GLRA1: variants seen among roughly 807,000 people sequenced by gnomAD.
GLRA1 encodes glycine receptor subunit alpha-1.
GLRA1 carries 37 observed loss-of-function variants against 48.3 expected under a neutral mutation model. The ratio of observed to expected loss-of-function variants is 0.77; its 90% CI spans 0.59 to 1.01. GLRA1 has a LOEUF of 1.01. GLRA1 is among the 50% of genes least tolerant of loss of function. The pLI is 0.00. For missense variants in GLRA1, 427 were observed against 571.0 expected, an observed-to-expected ratio of 0.75 and a Z score of 2.57; for synonymous variants, 196 against 210.7, an observed-to-expected ratio of 0.93 and a Z score of 0.60.
chr5:151,914,874 C>T (rs79989000), intron 1 of GLRA1, among the ~76,000 whole-genome samples: 2,071 of 152,296 alleles, frequency 0.014, 29 homozygotes, highest in Non-Finnish European at 0.021. Flanking sequence ...AAGAGATTAG[C>T]TCTTGATTTT....
rs200130685 is a variant in GLRA1, at chr5:151,822,698, C to T, written c.1325G>A (p.Arg442His). ...MFYWIIYKIV[R>H]REDVHNQ is the part of the protein sequence containing the mutation. ...TCACTGGTTGTGGACGTCCTCTCTACGGACAATCTTGTAGATGATCCAGTA... is the reference window on the plus strand; with the variant it reads ...TCACTGGTTGTGGACGTCCTCTCTATGGACAATCTTGTAGATGATCCAGTA... The change falls in exon 9 of 9, where the codon CGT (arginine) becomes CAT (histidine). Residue 442 changes from arginine to histidine, a missense_variant. Coordinates refer to ENST00000274576, the MANE Select transcript of GLRA1 (RefSeq NM_000171.4). 6.7e-5 allele frequency: 108 copies of T among 1,613,224 alleles called. No individual in the cohort carries two copies. The highest frequency in any genetic ancestry group is 5.0e-4 in the Middle Eastern group (3 of 6,056).
chr5:151,869,278 A>G (rs903965072), intron 3 of GLRA1, among the ~76,000 whole-genome samples: 3 of 151,628 alleles, frequency 2.0e-5, no homozygotes, highest in African/African-American at 4.8e-5. Context: ...TAATTTTTGT[A>G]TTGTTAGTAG....
intron 7 of GLRA1, among the ~76,000 whole-genome samples, chr5:151,833,561 T>A (rs904839444): frequency 6.6e-6 from 1 of 152,134 alleles, no homozygotes; most frequent in African/African-American, 2.4e-5. Context: ...CCTCCTGGGT[T>A]CAAGCGATTC....
At chr5:151,858,116 G>A (rs1753096504) in intron 4 of GLRA1, among the ~76,000 whole-genome samples, 1 of 152,142 alleles carries the variant, frequency 6.6e-6, no homozygotes, top group East Asian at 1.9e-4. Context: ...ACCTGAACTG[G>A]CACTTTGGCT....
intron 7 of GLRA1, chr5:151,850,251 A>G (rs1752866082): frequency 6.2e-7 from 1 of 1,604,508 alleles, no homozygotes; most frequent in Admixed American, 1.7e-5. Flanking sequence ...GATGGTGGGT[A>G]CTAATGCTGA....
chr5:151,850,216 A>C (rs1307298048), intron 7 of GLRA1: 5 of 1,603,900 alleles, frequency 3.1e-6, no homozygotes, highest in Non-Finnish European at 2.6e-6. Flanking sequence ...GCCCATTACC[A>C]GGCCTGCTTG....
intron 7 of GLRA1, among the ~76,000 whole-genome samples, chr5:151,833,818 A>AAAAAG (rs1483567419): frequency 1.1e-4 from 16 of 145,900 alleles, no homozygotes; most frequent in South Asian, 4.7e-4. Flanking sequence ...AAAAAAAAGC[A>AAAAAG]GGGGTTGCAA....
chr5:151,914,421 G>A (rs1020688981), intron 1 of GLRA1, among the ~76,000 whole-genome samples: 4 of 152,152 alleles, frequency 2.6e-5, no homozygotes, highest in Non-Finnish European at 4.4e-5. Context: ...TGGGGCATGC[G>A]GTGAGACCTT....
rs1561545932 is a variant in GLRA1, at chr5:151,828,945, G to A, written c.1035C>T (p.Phe345=). The change falls in exon 8 of 9, where the codon TTC becomes TTT. Residue 345 remains phenylalanine, a synonymous_variant. Transcript: ENST00000274576. The part of the protein sequence containing the change: ...VSRQHKELLR[F]RRKRRHHKED... Reference sequence around the variant, plus strand: ...CCTTGTGATGTCTCCGCTTCCTCCTGAATCGGAGCAGCTCCTTATGTTGCC... The same window carrying A: ...CCTTGTGATGTCTCCGCTTCCTCCTAAATCGGAGCAGCTCCTTATGTTGCC... 6.2e-7 allele frequency: 1 copy of A among 1,613,990 alleles called. No individual in the cohort carries two copies. Among genetic ancestry groups the A allele is most frequent in the Admixed American group, 1.7e-5 (1 of 60,022 alleles).
intron 7 of GLRA1, among the ~76,000 whole-genome samples, chr5:151,839,421 T>G (rs80110557): frequency 2.5e-3 from 378 of 152,350 alleles, no homozygotes; most frequent in South Asian, 0.012. Context: ...AGTAAATCAA[T>G]GATTGTAAAC....
chr5:151,917,011 C>G (rs1333505346), intron 1 of GLRA1, among the ~76,000 whole-genome samples: 1 of 152,118 alleles, frequency 6.6e-6, no homozygotes, highest in Non-Finnish European at 1.5e-5. Flanking sequence ...TGTATGGACT[C>G]TAGAGACGAT....
rs17112360 is a variant in GLRA1 at position 151,903,313 on chromosome 5, T to C, written c.57-10875A>G. ...TTTGGATTAAAACCTGAAGCTGCCTTTAATAAATGGAGTGACTGGTCTTCA... is the reference window on the plus strand; with the variant it reads ...TTTGGATTAAAACCTGAAGCTGCCTCTAATAAATGGAGTGACTGGTCTTCA... On this transcript the variant is annotated intron_variant, in intron 1 of 8. Transcript: ENST00000274576. Among the ~76,000 whole-genome samples, 1,498 of 152,258 alleles carry C rather than the reference T, an allele frequency of 9.8e-3. 25 individuals are homozygous for C. Among genetic ancestry groups the C allele is most frequent in the African/African-American group, 0.034 (1,418 of 41,536 alleles).
intron 3 of GLRA1, among the ~76,000 whole-genome samples, chr5:151,884,282 A>G (rs1023246642): frequency 6.6e-6 from 1 of 152,140 alleles, no homozygotes; most frequent in Non-Finnish European, 1.5e-5. Context: ...TACAAAAATT[A>G]GCTGGGCCTG....
intron 7 of GLRA1, among the ~76,000 whole-genome samples, chr5:151,840,745 C>T (rs1381615708): frequency 6.8e-6 from 1 of 148,146 alleles, no homozygotes; most frequent in Non-Finnish European, 1.5e-5. Context: ...AAAAAAAACC[C>T]ACAAACAAAC....
At chr5:151,840,535 G>A (rs1333168170) in intron 7 of GLRA1, among the ~76,000 whole-genome samples, 1 of 151,892 alleles carries the variant, frequency 6.6e-6, no homozygotes, top group African/African-American at 2.4e-5. Context: ...TAAATTAAGT[G>A]GAAATAGACT....
At chr5:151,859,052 G>A (rs907365328) in intron 4 of GLRA1, among the ~76,000 whole-genome samples, 1 of 152,170 alleles carries the variant, frequency 6.6e-6, no homozygotes, top group South Asian at 2.1e-4. Flanking sequence ...AATGGGCCTG[G>A]TAAAACCTGC....
In GLRA1 at chr5:151,898,415, A is replaced by T. The variant is rs184168070; in HGVS notation, c.57-5977T>A. ...TTCTCCAGTTGCAACATCAATTGAAATAGGGAATCAATATAAAGCTGTCAA... is the reference window on the plus strand; with the variant it reads ...TTCTCCAGTTGCAACATCAATTGAATTAGGGAATCAATATAAAGCTGTCAA... On this transcript the variant is annotated intron_variant, in intron 1 of 8. Coordinates refer to ENST00000274576, the MANE Select transcript of GLRA1 (RefSeq NM_000171.4). 1.6e-4 allele frequency among the ~76,000 whole-genome samples: 25 copies of T among 152,294 alleles called. No homozygotes were observed. The East Asian group carries it at 4.6e-3, about 28-fold the overall frequency.
intron 7 of GLRA1, chr5:151,849,859 T>C: frequency 7.1e-7 from 1 of 1,408,726 alleles, no homozygotes. Context: ...TAGCCTAGAA[T>C]TTTGATGGCT....
chr5:151,822,805 T>A lies in GLRA1; in HGVS notation c.1218A>T (p.Lys406Asn). 1 of 1,613,526 alleles carries A rather than the reference T, an allele frequency of 6.2e-7. No homozygotes were observed. The highest frequency in any genetic ancestry group is 1.7e-5 in the Admixed American group (1 of 59,942). The change falls in exon 9 of 9, where the codon AAA becomes AAT. Residue 406 changes from lysine to asparagine, a missense_variant. Lys to Asn is a moderately conservative substitution (Grantham distance 94). Coordinates refer to ENST00000274576, the MANE Select transcript of GLRA1 (RefSeq NM_000171.4). ...APSKSPEEMR[K>N]LFIQRAKKID... Reference sequence around the variant, plus strand: ...TCTTCTTGGCCCTCTGGATGAAGAGTTTTCGCATCTCCTCTGGGGACTTAG... The same window carrying A: ...TCTTCTTGGCCCTCTGGATGAAGAGATTTCGCATCTCCTCTGGGGACTTAG...
Sources: gnomAD v4.1 joint callset for allele counts (sites outside exome capture counted in the v4.1 genomes callset) on GRCh38, gnomAD v4.1.1 for gene constraint, MANE v1.5 for transcripts, NCBI Gene and HGNC (gene_info 2026-07-23, HGNC 2026-07-21) for gene names.